RSPO4: variants seen among roughly 807,000 people sequenced by gnomAD.
RSPO4 encodes the protein R-spondin-4.
In RSPO4, 23 loss-of-function variants were observed where a neutral mutation model predicts 24.8. That is an observed-to-expected ratio of 0.93 (90% CI 0.67 to 1.31). The LOEUF is 1.31. Ranked by LOEUF, RSPO4 falls within the 40% of genes most tolerant of loss-of-function variation. The pLI is 0.00. For missense variants in RSPO4, 333 were observed against 316.5 expected (o/e 1.05, Z -0.39); for synonymous variants, 141 against 127.4 (o/e 1.11, Z -0.72).
chr20:978,420 C>CTGGT (rs964598915), intron 1 of RSPO4, among the ~76,000 whole-genome samples: 9 of 152,230 alleles, frequency 5.9e-5, no homozygotes. Flanking sequence ...CCTTTGAGGG[C>CTGGT]TGGGCCCAGC....
chr20:1,000,860 G>A (rs1985438397), intron 1 of RSPO4, among the ~76,000 whole-genome samples: 1 of 152,130 alleles, frequency 6.6e-6, no homozygotes. Context: ...TTGGGCCACA[G>A]TCTCCCCAAC....
At chr20:971,547 G>A (rs1017577015) in intron 1 of RSPO4, among the ~76,000 whole-genome samples, 1 of 152,202 alleles carries the variant, frequency 6.6e-6, no homozygotes, top group African/African-American at 2.4e-5. Flanking sequence ...ATAAATGACT[G>A]AGGTAGCTAC....
intron 1 of RSPO4, among the ~76,000 whole-genome samples, chr20:1,001,565 G>A (rs113026509): frequency 2.4e-4 from 36 of 152,278 alleles, no homozygotes; most frequent in Middle Eastern, 3.4e-3. Context: ...CAGGTCTCAG[G>A]TCTGGCTGAA....
intron 3 of RSPO4, among the ~76,000 whole-genome samples, chr20:964,406 G>C (rs574978019): frequency 6.6e-6 from 1 of 152,092 alleles, no homozygotes; most frequent in Non-Finnish European, 1.5e-5. Flanking sequence ...AGGGGAGCTC[G>C]TCAGGTGAGA....
intron 1 of RSPO4, among the ~76,000 whole-genome samples, chr20:998,156 T>C (rs1214058175): frequency 6.6e-6 from 1 of 152,206 alleles, no homozygotes; most frequent in East Asian, 1.9e-4. Flanking sequence ...CCCAGGGCTC[T>C]TCACTTTGCC....
chr20:970,828 T>C lies in RSPO4; in HGVS notation c.80-2690A>G, dbSNP rs1423448447. Among the ~76,000 whole-genome samples the C allele has an allele frequency of 6.6e-6, 1 of 152,196 alleles. No homozygotes were observed. The highest frequency in any genetic ancestry group is 6.5e-5 in the Admixed American group (1 of 15,286). ...TGGAGATGTCTCTTTTCTTTTTGTG[T>C]TAAAAAGTTTTTTTGTTTGTTTTGT... On this transcript the variant is annotated intron_variant, in intron 1 of 4. Coordinates refer to ENST00000217260, the MANE Select transcript of RSPO4 (RefSeq NM_001029871.4). This position sits in a 1 kb window ranked among gnomAD's most constrained non-coding sequence, Gnocchi z 4.1.
chr20:965,884 C>A (rs1600089074), intron 3 of RSPO4, among the ~76,000 whole-genome samples: 1 of 152,160 alleles, frequency 6.6e-6, no homozygotes, highest in Non-Finnish European at 1.5e-5. Context: ...TAGGAAAGTG[C>A]CTGGCCATAG....
In RSPO4 at chr20:981,733, G is replaced by A. The variant is rs1237975779; in HGVS notation, c.80-13595C>T. 2.6e-5 allele frequency among the ~76,000 whole-genome samples: 4 copies of A among 152,068 alleles called. No individual in the cohort carries two copies. Among genetic ancestry groups the A allele is most frequent in the Non-Finnish European group, 5.9e-5 (4 of 68,012 alleles). On this transcript the variant is annotated intron_variant, in intron 1 of 4. Coordinates refer to ENST00000217260, the MANE Select transcript of RSPO4 (RefSeq NM_001029871.4). This position sits in a 1 kb window ranked among gnomAD's most constrained non-coding sequence, Gnocchi z 4.6. ...TGGGGGACAGGGGCAGGTATGTGCCGACACACGAGACCCCTGTCTAAAGGA... is the reference window on the plus strand; with the variant it reads ...TGGGGGACAGGGGCAGGTATGTGCCAACACACGAGACCCCTGTCTAAAGGA...
Position 999,866 on chromosome 20 carries a change from T to TTTG in RSPO4, c.79+2217_79+2219dup, listed in dbSNP as rs112478807. 9.0e-3 allele frequency among the ~76,000 whole-genome samples: 1,370 copies of TTTG among 152,084 alleles called. 8 individuals carry two copies. Among genetic ancestry groups the TTTG allele is most frequent in the South Asian group, 0.018 (86 of 4,814 alleles). On this transcript the variant is annotated intron_variant, in intron 1 of 4. Coordinates refer to ENST00000217260, the MANE Select transcript of RSPO4 (RefSeq NM_001029871.4). ...TTAAAGTCTTCTAAACCAGCTCCTTTTTGTTGTTGTTGTTGTTGTTGAGAC... is the reference window on the plus strand; with the variant it reads ...TTAAAGTCTTCTAAACCAGCTCCTTTTTGTTGTTGTTGTTGTTGTTGTTGAGAC...
chr20:984,803 G>A (rs1358863757), intron 1 of RSPO4, among the ~76,000 whole-genome samples: 6 of 152,194 alleles, frequency 3.9e-5, no homozygotes, highest in Middle Eastern at 3.4e-3. Context: ...TCTGTCAAAT[G>A]GATGGTTAAA....
intron 1 of RSPO4, among the ~76,000 whole-genome samples, chr20:996,277 G>T (rs1261521649): frequency 6.9e-6 from 1 of 144,608 alleles, no homozygotes; most frequent in Non-Finnish European, 1.5e-5. Flanking sequence ...GAAAATGCTG[G>T]CTATTGCTAA....
intron 1 of RSPO4, among the ~76,000 whole-genome samples, chr20:977,941 CA>C (rs1984617064): frequency 6.6e-6 from 1 of 152,238 alleles, no homozygotes; most frequent in African/African-American, 2.4e-5. Context: ...CCTGCCCACT[CA>C]GGCCTCCACA....
chr20:998,636 C>T (rs930158706), intron 1 of RSPO4, among the ~76,000 whole-genome samples: 1 of 152,076 alleles, frequency 6.6e-6, no homozygotes, highest in African/African-American at 2.4e-5. Flanking sequence ...CCTGGCCAAA[C>T]GCTAAGGCCA....
intron 1 of RSPO4, among the ~76,000 whole-genome samples, chr20:977,323 G>C (rs1218949557): frequency 6.6e-6 from 1 of 152,232 alleles, no homozygotes; most frequent in Admixed American, 6.5e-5. Flanking sequence ...ACAGGGTTAA[G>C]AGCCAGACTG....
chr20:959,844 G>C lies in RSPO4; in HGVS notation c.*513C>G, dbSNP rs1434836183. 1.3e-5 allele frequency: 2 copies of C among 158,806 alleles called. No individual in the cohort carries two copies. The highest frequency in any genetic ancestry group is 2.8e-5 in the Non-Finnish European group (2 of 72,188). 9.8% of individuals were successfully genotyped at this position (158,806 alleles called of 1,614,324 possible). A position where few individuals can be genotyped will look rare whatever the true frequency, so the allele number is the denominator to read the frequency against. On this transcript the variant is annotated 3_prime_UTR_variant, in exon 5 of 5. Coordinates refer to ENST00000217260, the MANE Select transcript of RSPO4 (RefSeq NM_001029871.4). ...TGGAGCCTCCCCCAGAGCAGAAGCA[G>C]GGCCTTCAGGATTCACCTGTGCTGT... is the stretch of plus-strand genomic sequence containing the variant.
In RSPO4 at chr20:967,256, C is replaced by T. The variant is rs751592558; in HGVS notation, c.327G>A (p.Arg109=). The change falls in exon 3 of 5, where the codon AGG becomes AGA. Residue 109 remains arginine, a synonymous_variant. Transcript: ENST00000217260. ...ACTTCCCCTTGTACAAGTAAAACTG[C>T]CTCTTGCACCGGATGCAGAAGTCCT... is the stretch of plus-strand genomic sequence containing the variant. ...FSQDFCIRCK[R]QFYLYKGKCL... 1.9e-6 allele frequency: 3 copies of T among 1,614,118 alleles called. No homozygotes were observed. The African/African-American group carries it at 4.0e-5, about 22-fold the overall frequency.
chr20:989,687 T>C (rs1241810363), intron 1 of RSPO4, among the ~76,000 whole-genome samples: 1 of 152,228 alleles, frequency 6.6e-6, no homozygotes, highest in Non-Finnish European at 1.5e-5. Context: ...GACCTGGGCC[T>C]GCACAGGCAT....
intron 1 of RSPO4, among the ~76,000 whole-genome samples, chr20:987,587 A>G (rs1323373996): frequency 1.3e-5 from 2 of 151,872 alleles, no homozygotes; most frequent in Admixed American, 1.3e-4. Context: ...GGAATTTGAG[A>G]CCAGCCTGGG....
At chr20:963,856 T>A in intron 4 of RSPO4, 79 bp downstream of exon 4, 1 of 1,404,266 alleles carries the variant, frequency 7.1e-7, no homozygotes, top group Non-Finnish European at 1.0e-6. Flanking sequence ...AGATACTATT[T>A]GTGGGGCAGT....
Sources: allele counts gnomAD v4.1 joint callset (sites outside exome capture counted in the v4.1 genomes callset), GRCh38; gene constraint gnomAD v4.1.1; non-coding constraint Gnocchi (gnomAD v3.1); transcripts MANE v1.5; gene names NCBI Gene and HGNC (gene_info 2026-07-23, HGNC 2026-07-21).